The following KDM4C variants were observed in gnomAD, a reference collection of about 807,000 sequenced individuals.
The protein encoded by KDM4C is lysine-specific demethylase 4C.
KDM4C carries 81 observed loss-of-function variants against 129.3 expected under a neutral mutation model. That is an observed-to-expected ratio of 0.63 (90% CI 0.52 to 0.75). The LOEUF (loss-of-function observed/expected upper bound fraction) is 0.75, where lower values mean the gene tolerates loss of function less well. KDM4C is among the 30% of genes least tolerant of loss of function. The probability of loss-of-function intolerance (pLI) is 0.00; values close to 1 mark genes in which losing one functional copy is unlikely to be tolerated. For synonymous variants in KDM4C, 573 were observed against 456.1 expected (o/e 1.26, Z -3.26); for missense variants, 1,457 against 1,304.0 (o/e 1.12, Z -1.81).
chr9:6,825,999 A>G (rs1024517711), intron 4 of KDM4C, among the ~76,000 whole-genome samples: 4 of 152,018 alleles, frequency 2.6e-5, no homozygotes, highest in Admixed American at 2.0e-4. Context: ...TTTTGTAGAG[A>G]CGGGATTTCA....
chr9:6,852,879 C>G (rs370535856), intron 5 of KDM4C, among the ~76,000 whole-genome samples: 1 of 152,148 alleles, frequency 6.6e-6, no homozygotes, highest in African/African-American at 2.4e-5. Context: ...GGACTATGTG[C>G]TGCCCCTACT....
At chr9:6,909,171 C>G (rs991255556) in intron 8 of KDM4C, among the ~76,000 whole-genome samples, 27 of 152,196 alleles carry the variant, frequency 1.8e-4, no homozygotes, top group African/African-American at 6.5e-4. Flanking sequence ...GAATGTAATT[C>G]TATAATCAGC....
At chr9:7,140,935 G>T (rs1841682212) in intron 19 of KDM4C, among the ~76,000 whole-genome samples, 2 of 152,230 alleles carry the variant, frequency 1.3e-5, no homozygotes, top group Admixed American at 1.3e-4. Context: ...ATGAAGATCT[G>T]TAAGGTGAGT....
At chr9:7,142,384 G>A (rs1399021697) in intron 19 of KDM4C, among the ~76,000 whole-genome samples, 3 of 152,146 alleles carry the variant, frequency 2.0e-5, no homozygotes, top group Non-Finnish European at 4.4e-5. Flanking sequence ...AAAATGCTGG[G>A]ATTACAGGTG....
At chr9:7,064,397 T>C (rs1191315826) in intron 17 of KDM4C, among the ~76,000 whole-genome samples, 1 of 152,220 alleles carries the variant, frequency 6.6e-6, no homozygotes, top group East Asian at 1.9e-4. Flanking sequence ...AGATGCATAA[T>C]GTGGAGTATG....
At chr9:7,031,006 T>G (rs1209623614) in intron 15 of KDM4C, among the ~76,000 whole-genome samples, 1 of 152,136 alleles carries the variant, frequency 6.6e-6, no homozygotes, top group East Asian at 1.9e-4. Flanking sequence ...ATTTATTATG[T>G]ACATATAATA....
At chr9:7,076,055 C>G (rs533536908) in intron 17 of KDM4C, among the ~76,000 whole-genome samples, 2 of 152,100 alleles carry the variant, frequency 1.3e-5, no homozygotes, top group South Asian at 4.1e-4. Flanking sequence ...AGTGCTGTAC[C>G]TGGTGCCATC....
At chr9:7,109,887 G>A (rs1429351942) in intron 18 of KDM4C, among the ~76,000 whole-genome samples, 1 of 152,140 alleles carries the variant, frequency 6.6e-6, no homozygotes, top group Non-Finnish European at 1.5e-5. Flanking sequence ...CCAGGTAGAG[G>A]TAATTGGATC....
At chr9:6,920,210 C>T (rs1363237869) in intron 8 of KDM4C, among the ~76,000 whole-genome samples, 1 of 152,106 alleles carries the variant, frequency 6.6e-6, no homozygotes, top group Non-Finnish European at 1.5e-5. Context: ...GGAAAGCAGT[C>T]CTCATGTGCT....
chr9:6,760,435 C>G (rs1819178241), intron 1 of KDM4C, among the ~76,000 whole-genome samples: 1 of 128,692 alleles, frequency 7.8e-6, no homozygotes, highest in African/African-American at 3.3e-5. Flanking sequence ...CGTGTTTTCT[C>G]TACTCTTGGG....
chr9:6,949,102 G>A (rs375837998), intron 8 of KDM4C, among the ~76,000 whole-genome samples: 5 of 151,324 alleles, frequency 3.3e-5, no homozygotes, highest in East Asian at 3.9e-4. Context: ...GCGGCTGGCC[G>A]GGTGGAGACG....
chr9:6,843,951 C>T lies in KDM4C; in HGVS notation c.436-5556C>T, dbSNP rs111493998. Among the ~76,000 whole-genome samples the T allele has an allele frequency of 9.2e-5, 14 of 152,160 alleles. No homozygotes were observed. The South Asian group carries it at 2.1e-3, about 23-fold the overall frequency. ...CTGCAACCTCAACTCCCTCCTCAGC[C>T]GCCTCCTGAGTAGCTGGGACCTGTG... is the stretch of plus-strand genomic sequence containing the variant. On this transcript the variant is annotated intron_variant, in intron 4 of 21. Coordinates refer to ENST00000381309, the MANE Select transcript of KDM4C (RefSeq NM_015061.6).
chr9:7,059,171 G>A (rs562629714), intron 17 of KDM4C, among the ~76,000 whole-genome samples: 1 of 152,222 alleles, frequency 6.6e-6, no homozygotes, highest in East Asian at 1.9e-4. Context: ...TGTTTTTGGA[G>A]CAGGGTCTTG....
At chr9:6,820,155 G>C (rs188115668) in intron 4 of KDM4C, among the ~76,000 whole-genome samples, 1 of 152,280 alleles carries the variant, frequency 6.6e-6, no homozygotes, top group East Asian at 1.9e-4. Flanking sequence ...AGTTGGTGCA[G>C]TGGGCTTGAC....
intron 8 of KDM4C, chr9:6,925,492 C>G: frequency 1.2e-6 from 1 of 809,932 alleles, no homozygotes; most frequent in Non-Finnish European, 1.5e-6. Context: ...GACATATTCT[C>G]ACCATCTTGC....
intron 18 of KDM4C, among the ~76,000 whole-genome samples, chr9:7,122,586 C>T (rs973123092): frequency 2.0e-5 from 3 of 152,138 alleles, no homozygotes; most frequent in Non-Finnish European, 4.4e-5. Flanking sequence ...AAAACTACCT[C>T]ACAAAATTAT....
rs10975880 is a variant in KDM4C, at chr9:6,898,183, T to A, written c.921+4951T>A. ...CAGGCTGTTAAATGAAACTTTGGCT[T>A]AGATTTTCAGCTTGACTGTTTGGAG... On this transcript the variant is annotated intron_variant, in intron 8 of 21. Coordinates refer to ENST00000381309, the MANE Select transcript of KDM4C (RefSeq NM_015061.6). Among the ~76,000 whole-genome samples, 345 of 152,368 alleles carry A rather than the reference T, an allele frequency of 2.3e-3. 10 individuals carry two copies. In the East Asian group the frequency reaches 0.058, roughly 26 times the overall value.
At chr9:6,841,067 C>T (rs1399860781) in intron 4 of KDM4C, among the ~76,000 whole-genome samples, 2 of 152,142 alleles carry the variant, frequency 1.3e-5, no homozygotes, top group African/African-American at 4.8e-5. Context: ...CGGGGTAGAC[C>T]TGGAAACTTG....
chr9:6,908,164 T>A (rs1325808547), intron 8 of KDM4C, among the ~76,000 whole-genome samples: 2 of 152,240 alleles, frequency 1.3e-5, no homozygotes, highest in African/African-American at 4.8e-5. Flanking sequence ...TACTATTGTT[T>A]ATATTCCCTT....
Sources: gnomAD v4.1 joint callset for allele counts (sites outside exome capture counted in the v4.1 genomes callset) on GRCh38, gnomAD v4.1.1 for gene constraint, MANE v1.5 for transcripts, NCBI Gene and HGNC (gene_info 2026-07-23, HGNC 2026-07-21) for gene names.